The following ERO1A variants were observed in gnomAD, a reference collection of about 807,000 sequenced individuals.
ERO1A encodes the protein ERO1-like protein alpha.
A neutral mutation model predicts 76.9 loss-of-function variants in ERO1A; 49 were observed. The ratio of observed to expected loss-of-function variants is 0.64; its 90% CI spans 0.51 to 0.81. The LOEUF is 0.81. ERO1A is among the 30% of genes least tolerant of loss of function. The pLI, the probability that ERO1A is intolerant of heterozygous loss-of-function variation, is 0.00. For synonymous variants in ERO1A, 174 were observed against 181.2 expected (o/e 0.96, Z 0.32); for missense variants, 448 against 542.1 (o/e 0.83, Z 1.72).
intron 4 of ERO1A, among the ~76,000 whole-genome samples, chr14:52,673,576 TTCGAAG>T (rs1378079689): frequency 6.6e-6 from 1 of 152,236 alleles, no homozygotes; most frequent in Non-Finnish European, 1.5e-5. Flanking sequence ...AAATTAGTTC[TTCGAAG>T]CCTCAAAACA....
intron 15 of ERO1A, among the ~76,000 whole-genome samples, chr14:52,644,761 C>G (rs1055740927): frequency 4.6e-5 from 7 of 152,052 alleles, no homozygotes; most frequent in African/African-American, 1.2e-4. Context: ...ACTGTTTTCA[C>G]TAATTTTTGT....
At position 52,640,248 on chromosome 14, in the gene ERO1A, C is replaced by T. The variant is rs528209650; in HGVS notation, c.*3322G>A. On this transcript the variant is annotated 3_prime_UTR_variant, in exon 16 of 16. Transcript: ENST00000395686. ...GTAGGTTGTAATTACAGTGGTGACA[C>T]GAAAGTGGAAGTTAGATGACTCTCC... The T allele has an allele frequency of 2.0e-5, 3 of 149,466 alleles. No homozygotes were observed. The highest frequency in any genetic ancestry group is 1.5e-5 in the Non-Finnish European group (1 of 67,144). The allele number at this position is 149,466 out of a possible 1,614,324, so 9.3% of individuals were successfully genotyped here.
At chr14:52,683,949 A>T (rs2041085624) in intron 1 of ERO1A, 42 bp from the exon 2 acceptor site, 3 of 1,500,352 alleles carry the variant, frequency 2.0e-6, no homozygotes, top group Non-Finnish European at 2.7e-6. Flanking sequence ...AATGTCCTAA[A>T]TGCAACAGGG....
intron 6 of ERO1A, among the ~76,000 whole-genome samples, chr14:52,670,023 C>T (rs2139707916): frequency 6.6e-6 from 1 of 152,248 alleles, no homozygotes; most frequent in East Asian, 1.9e-4. Context: ...CTGGATCAAG[C>T]AATCCTCCCA....
At chr14:52,664,881 C>T (rs1358367009) in intron 7 of ERO1A, among the ~76,000 whole-genome samples, 1 of 151,844 alleles carries the variant, frequency 6.6e-6, no homozygotes, top group African/African-American at 2.4e-5. Flanking sequence ...TTAGTAGAGA[C>T]GGGGTTTCAC....
At chr14:52,655,832 C>T (rs1287461508) in intron 11 of ERO1A, among the ~76,000 whole-genome samples, 1 of 152,062 alleles carries the variant, frequency 6.6e-6, no homozygotes, top group East Asian at 1.9e-4. Context: ...AGTGGCCAGT[C>T]ATAAGACCAT....
intron 7 of ERO1A, chr14:52,664,144 A>C (rs1014185070): frequency 1.0e-5 from 2 of 191,280 alleles, no homozygotes; most frequent in African/African-American, 4.7e-5. Flanking sequence ...CTATGTTTTT[A>C]TATATATTAT....
chr14:52,668,863 A>G (rs1331366694), intron 6 of ERO1A, among the ~76,000 whole-genome samples: 1 of 150,550 alleles, frequency 6.6e-6, no homozygotes, highest in South Asian at 2.1e-4. Context: ...TGTGCCAAGA[A>G]TTTTTATGAT....
At chr14:52,663,473 G>A (rs1261325040) in intron 8 of ERO1A, among the ~76,000 whole-genome samples, 5 of 151,510 alleles carry the variant, frequency 3.3e-5, no homozygotes, top group Non-Finnish European at 5.9e-5. Context: ...TGTGGCGGGC[G>A]CCTGTAGTCC....
rs371953445 is a variant in ERO1A, at chr14:52,663,833, T to G, written c.644A>C (p.Lys215Thr). ...EENCFKPQTI[K>T]RPLNPLASGQ... The stretch of plus-strand genomic sequence containing the variant: ...AGAAGCCAAAGGATTTAAAGGTCTT[T>G]TAATTGTCTGTGGCCTAGAAGTAAA... Residue 215 changes from lysine (K) to threonine (T), a missense_variant, in exon 8 of 16, where the codon AAA becomes ACA. This residue lies in a region of ERO1A where 302 missense variants were observed against 411.9 expected (regional missense o/e 0.73). Transcript: ENST00000395686. The G allele has an allele frequency of 8.3e-6, 13 of 1,564,636 alleles. No homozygotes were observed. The highest frequency in any genetic ancestry group is 1.1e-5 in the Non-Finnish European group (13 of 1,138,018).
chr14:52,653,268 G>C lies in ERO1A; in HGVS notation c.856C>G (p.Gln286Glu). 1 of 1,612,242 alleles carries C rather than the reference G, an allele frequency of 6.2e-7. No homozygotes were observed. The highest frequency in any genetic ancestry group is 8.5e-7 in the Non-Finnish European group (1 of 1,178,830). The stretch of plus-strand genomic sequence containing the variant: ...TCAGTCAAAATTCCATCAAATCGCT[G>C]TTGAAATTCTGTAATGTTGTGTCCC... ...KWGHNITEFQ[Q>E]RFDGILTEGE... The change falls in exon 12 of 16, where the codon CAG becomes GAG. Residue 286 changes from glutamine (Q) to glutamate (E), a missense_variant. Around this residue, in one of 2 missense-constraint regions of ERO1A, gnomAD observed 302 missense variants for 411.9 expected, o/e 0.73. Coordinates refer to ENST00000395686, the MANE Select transcript of ERO1A (RefSeq NM_014584.3).
At chr14:52,667,935 T>TA (rs1318909737) in intron 6 of ERO1A, among the ~76,000 whole-genome samples, 30 of 150,002 alleles carry the variant, frequency 2.0e-4, no homozygotes, top group African/African-American at 4.2e-4. Context: ...TTTTTATTAT[T>TA]AAAAAAAAAC....
intron 1 of ERO1A, among the ~76,000 whole-genome samples, chr14:52,694,026 A>T (rs12888246): frequency 0.56 from 85,592 of 152,040 alleles, 25,050 homozygotes; most frequent in Middle Eastern, 0.68. Context: ...TTAAGGAAAA[A>T]AAAAGTAAAA....
intron 4 of ERO1A, among the ~76,000 whole-genome samples, chr14:52,677,861 T>C (rs1166140411): frequency 9.6e-6 from 1 of 104,532 alleles, no homozygotes; most frequent in Non-Finnish European, 1.8e-5. Context: ...AGACCTTTTA[T>C]CTTAAAAAAA....
intron 4 of ERO1A, among the ~76,000 whole-genome samples, chr14:52,675,702 A>G (rs543133064): frequency 1.3e-5 from 2 of 152,150 alleles, no homozygotes; most frequent in African/African-American, 4.8e-5. Context: ...TGGTGAAATC[A>G]CAGCTCTCTG....
At chr14:52,673,556 G>A (rs2040681325) in intron 4 of ERO1A, among the ~76,000 whole-genome samples, 1 of 152,114 alleles carries the variant, frequency 6.6e-6, no homozygotes, top group African/African-American at 2.4e-5. Flanking sequence ...AAGCTCTTGG[G>A]TTGTTTTACA....
intron 6 of ERO1A, 61 bp from the exon 7 acceptor site, chr14:52,666,556 C>G: frequency 1.4e-6 from 2 of 1,418,766 alleles, no homozygotes; most frequent in Non-Finnish European, 1.9e-6. Context: ...AAAGCTACTA[C>G]ACAAGACTGT....
chr14:52,660,146 C>T (rs2040185549), intron 9 of ERO1A, among the ~76,000 whole-genome samples: 1 of 152,108 alleles, frequency 6.6e-6, no homozygotes, highest in Non-Finnish European at 1.5e-5. Flanking sequence ...GAAATCAGTT[C>T]AATATTATAA....
At chr14:52,691,556 C>G (rs948102086) in intron 1 of ERO1A, among the ~76,000 whole-genome samples, 1 of 152,216 alleles carries the variant, frequency 6.6e-6, no homozygotes, top group Non-Finnish European at 1.5e-5. Flanking sequence ...GCAAGTGTCT[C>G]TCCCACGGCC....
Sources: gnomAD v4.1 joint callset for allele counts (sites outside exome capture counted in the v4.1 genomes callset) on GRCh38, gnomAD v4.1.1 for gene constraint, gnomAD v4.1.1 regional missense constraint, MANE v1.5 for transcripts, NCBI Gene and HGNC (gene_info 2026-07-23, HGNC 2026-07-21) for gene names.